Variants in SYT3 observed in about 807,000 individuals in gnomAD.
The protein encoded by SYT3 is synaptotagmin 3, also known as synaptotagmin-3.
In SYT3, 25 loss-of-function variants were observed where a neutral mutation model predicts 50.6. That is an observed-to-expected ratio of 0.49 (90% CI 0.36 to 0.69). SYT3 has a LOEUF of 0.69. SYT3 is among the 30% of genes least tolerant of loss of function. SYT3 has a pLI of 0.00. For synonymous variants in SYT3, 323 were observed against 353.9 expected, an observed-to-expected ratio of 0.91 and a Z score of 0.98; for missense variants, 589 against 793.6, an observed-to-expected ratio of 0.74 and a Z score of 3.10.
the SYT3 span, chr19:50,658,007 C>T: frequency 6.5e-7 from 1 of 1,532,946 alleles, no homozygotes; most frequent in Non-Finnish European, 8.7e-7. Context: ...GGATTTTACC[C>T]ACCTGGAGGT....
At chr19:50,649,651 A>G in the SYT3 span, 1 of 954,284 alleles carries the variant, frequency 1.0e-6, no homozygotes, top group South Asian at 1.4e-5. Flanking sequence ...TGGATTCACC[A>G]GATTCCTGGA....
At position 50,637,343 on chromosome 19, in the gene SYT3, C is replaced by A. The variant is rs1331752092; in HGVS notation, c.69G>T (p.Arg23=). 1 of 1,612,892 alleles carries A rather than the reference C, an allele frequency of 6.2e-7. No individual in the cohort carries two copies. Among genetic ancestry groups the A allele is most frequent in the Non-Finnish European group, 8.5e-7 (1 of 1,179,836 alleles). Residue 23 remains arginine, a synonymous_variant, in exon 3 of 11, where the codon CGG becomes CGT. Coordinates refer to ENST00000600079, the MANE Select transcript of SYT3 (RefSeq NM_001160329.2). The surrounding 1 kb of genome is among the most constrained non-coding windows in gnomAD (Gnocchi z 4.9). ...ALILVSDLCA[R]VRDADTNDRC... ...TGTCGTTGGTGTCAGCATCTCGGAC[C>A]CGCGCACAGAGGTCCGAGACCAGGA...
chr19:50,627,689 T>A (rs1158427084), intron 6 of SYT3, among the ~76,000 whole-genome samples: 1 of 144,028 alleles, frequency 6.9e-6, no homozygotes, highest in Non-Finnish European at 1.5e-5. Context: ...ATTGCGCCAC[T>A]GTACTCCAGC....
At chr19:50,657,949 A>C in the SYT3 span, 1 of 1,493,218 alleles carries the variant, frequency 6.7e-7, no homozygotes, top group Non-Finnish European at 8.9e-7. Flanking sequence ...AAAATGAACC[A>C]GGAGGCCACG....
chr19:50,642,597 G>T (rs148006953), upstream of SYT3, among the ~76,000 whole-genome samples: 88 of 152,342 alleles, frequency 5.8e-4, no homozygotes, highest in African/African-American at 2.0e-3. Flanking sequence ...ACTTTGGGAG[G>T]CCGAGGCTGG....
chr19:50,656,392 G>A, the SYT3 span: 4 of 1,505,692 alleles, frequency 2.7e-6, no homozygotes, highest in Non-Finnish European at 3.5e-6. Context: ...TTGGTGGGGT[G>A]ATGGGAAGGG....
chr19:50,626,091 G>A lies in SYT3; in HGVS notation c.1282-74C>T, dbSNP rs1051959238. On this transcript the variant is annotated intron_variant, in intron 6 of 10. Transcript: ENST00000600079. Reference sequence around the variant, plus strand: ...ACTCTCCCTGATTTTCTCTCCGGTCGGAGCCTCCTGCTTTACACCCTGACA... The same window carrying A: ...ACTCTCCCTGATTTTCTCTCCGGTCAGAGCCTCCTGCTTTACACCCTGACA... 12 of 1,538,666 alleles carry A rather than the reference G, an allele frequency of 7.8e-6. No individual in the cohort carries two copies. The Admixed American group carries it at 1.5e-4, about 20-fold the overall frequency.
the SYT3 span, chr19:50,649,325 C>T: frequency 3.1e-6 from 3 of 963,402 alleles, no homozygotes; most frequent in South Asian, 2.9e-5. Context: ...TGTAATTCTA[C>T]CCCGGGGCTT....
upstream of SYT3, among the ~76,000 whole-genome samples, chr19:50,642,118 C>A (rs776548253): frequency 1.6e-4 from 24 of 152,190 alleles, no homozygotes; most frequent in Non-Finnish European, 2.5e-4. Flanking sequence ...TTGCATCCCC[C>A]CAGATGGATG....
At chr19:50,627,405 C>T (rs1984113382) in intron 6 of SYT3, among the ~76,000 whole-genome samples, 2 of 152,000 alleles carry the variant, frequency 1.3e-5, no homozygotes, top group Non-Finnish European at 2.9e-5. Flanking sequence ...AGGCCCTGCT[C>T]CTGAAAAAAA....
rs1984026571 is a variant in SYT3 at position 50,625,677 on chromosome 19, C to T, written c.1403-113G>A. 2 of 1,413,108 alleles carry T rather than the reference C, an allele frequency of 1.4e-6. No individual in the cohort carries two copies. The highest frequency in any genetic ancestry group is 1.9e-6 in the Non-Finnish European group (2 of 1,061,884). 87.5% of individuals were successfully genotyped at this position (1,413,108 alleles called of 1,614,324 possible). A position where few individuals can be genotyped will look rare whatever the true frequency, so the allele number is the denominator to read the frequency against. ...AGACCCAGAGGTCCGGGGCCCCAGGCCCCCAGTCCCTCCTTCCTCAGGCCC... is the reference window on the plus strand; with the variant it reads ...AGACCCAGAGGTCCGGGGCCCCAGGTCCCCAGTCCCTCCTTCCTCAGGCCC... On this transcript the variant is annotated intron_variant, in intron 7 of 10. Coordinates refer to ENST00000600079, the MANE Select transcript of SYT3 (RefSeq NM_001160329.2). This position sits in a 1 kb window ranked among gnomAD's most constrained non-coding sequence, Gnocchi z 7.5.
At chr19:50,656,363 C>G in the SYT3 span, 3 of 1,528,014 alleles carry the variant, frequency 2.0e-6, no homozygotes, top group East Asian at 7.4e-5. Context: ...GGACCTGTGC[C>G]CTTATTTTCT....
upstream of SYT3, among the ~76,000 whole-genome samples, chr19:50,642,978 AC>A (rs1200393288): frequency 2.0e-5 from 3 of 152,238 alleles, no homozygotes; most frequent in African/African-American, 7.2e-5. Flanking sequence ...GCTCATTTAA[AC>A]TTTAGCTGGA....
At chr19:50,656,582 G>GA in the SYT3 span, among the ~76,000 whole-genome samples, 1 of 152,112 alleles carries the variant, frequency 6.6e-6, no homozygotes, top group Admixed American at 6.5e-5. Flanking sequence ...AGGCTGAGGG[G>GA]GGCAGGGAGG....
In SYT3 at chr19:50,634,652, C is replaced by T. The variant is rs557623074; in HGVS notation, c.149-1841G>A. Among the ~76,000 whole-genome samples the T allele has an allele frequency of 5.8e-5, 8 of 137,426 alleles. No homozygotes were observed. In the South Asian group the frequency reaches 1.5e-3, roughly 26 times the overall value. 90.2% of individuals were successfully genotyped at this position (137,426 alleles called of 152,430 possible). ...AGGCTGGAGTGCAGTGGCATGATCT[C>T]GGTTCACTGAAGCCTCCACCTCCCA... is the stretch of plus-strand genomic sequence containing the variant. On this transcript the variant is annotated intron_variant, in intron 3 of 10. Coordinates refer to ENST00000600079, the MANE Select transcript of SYT3 (RefSeq NM_001160329.2).
intron 3 of SYT3, among the ~76,000 whole-genome samples, chr19:50,636,848 A>G (rs990088916): frequency 1.3e-5 from 2 of 152,220 alleles, no homozygotes; most frequent in East Asian, 1.9e-4. Context: ...CATCTGCTCT[A>G]TGAAGCATCC....
In SYT3 at chr19:50,629,436, C is replaced by A. The variant is rs761922692; in HGVS notation, c.1139G>T (p.Arg380Leu). Residue 380 changes from arginine (R) to leucine (L), a missense_variant, in exon 6 of 11, where the codon CGC becomes CTC. Arg to Leu is a moderately radical substitution (Grantham distance 102). This residue lies in a region of SYT3 where 273 missense variants were observed against 439.3 expected (regional missense o/e 0.62). Transcript: ENST00000600079. ...GTCATAGACGCTGAAGTGCAGTTTG[C>A]GTTGGGCCAGCTCGGCCAGGGGCAC... The part of the protein sequence containing the change: ...FSVPLAELAQ[R>L]KLHFSVYDFD... 2 of 1,614,038 alleles carry A rather than the reference C, an allele frequency of 1.2e-6. No homozygotes were observed. The highest frequency in any genetic ancestry group is 1.7e-5 in the Admixed American group (1 of 60,012).
chr19:50,643,834 C>T (rs757226709), upstream of SYT3, among the ~76,000 whole-genome samples: 4 of 152,134 alleles, frequency 2.6e-5, no homozygotes, highest in African/African-American at 4.8e-5. Context: ...CTAGGATCCT[C>T]ATACTAGGAT....
At chr19:50,654,466 C>CT in the SYT3 span, among the ~76,000 whole-genome samples, 82 of 150,386 alleles carry the variant, frequency 5.5e-4, no homozygotes, top group African/African-American at 2.0e-3. Context: ...ACACACCCGG[C>CT]TTTTTTGTAT....
Sources: allele counts gnomAD v4.1 joint callset (sites outside exome capture counted in the v4.1 genomes callset), GRCh38; gene constraint gnomAD v4.1.1; regional missense constraint gnomAD v4.1.1; non-coding constraint Gnocchi (gnomAD v3.1); transcripts MANE v1.5; gene names NCBI Gene and HGNC (gene_info 2026-07-23, HGNC 2026-07-21).